Variants in IQUB observed in about 807,000 individuals in gnomAD.
IQUB encodes IQ motif and ubiquitin-like domain-containing protein.
In IQUB, 86 loss-of-function variants were observed where a neutral mutation model predicts 86.4. That is an observed-to-expected ratio of 1.00 (90% confidence interval 0.84 to 1.19). IQUB has a LOEUF of 1.19. IQUB is among the 50% of genes most tolerant of loss of function. The pLI is 0.00. For missense variants in IQUB, 946 were observed against 916.9 expected (o/e 1.03, Z -0.41); for synonymous variants, 289 against 304.5 (o/e 0.95, Z 0.53).
intron 8 of IQUB, among the ~76,000 whole-genome samples, chr7:123,471,385 G>A (rs1225507940): frequency 6.6e-6 from 1 of 152,126 alleles, no homozygotes; most frequent in Non-Finnish European, 1.5e-5. Context: ...TTAAAGGCTA[G>A]GGCTAAGTTT....
At chr7:123,493,835 T>C (rs1356319799) in intron 7 of IQUB, among the ~76,000 whole-genome samples, 1 of 147,828 alleles carries the variant, frequency 6.8e-6, no homozygotes, top group Non-Finnish European at 1.5e-5. Flanking sequence ...TTGGTGAATA[T>C]ATATACATAT....
intron 1 of IQUB, among the ~76,000 whole-genome samples, chr7:123,531,919 CA>C (rs1270914220): frequency 6.6e-6 from 1 of 152,208 alleles, no homozygotes; most frequent in East Asian, 1.9e-4. Flanking sequence ...CCTGGGACTT[CA>C]GCACAGAGGT....
intron 7 of IQUB, among the ~76,000 whole-genome samples, chr7:123,490,015 A>G (rs1247518009): frequency 6.6e-6 from 1 of 152,000 alleles, no homozygotes; most frequent in Non-Finnish European, 1.5e-5. Flanking sequence ...TAAAACAAAC[A>G]GTGAAAGATG....
rs373794424 is a variant in IQUB at position 123,502,648 on chromosome 7, T to G, written c.972A>C (p.Thr324=). 6.2e-6 allele frequency: 10 copies of G among 1,613,354 alleles called. No individual in the cohort carries two copies. The African/African-American group carries it at 1.1e-4, about 17-fold the overall frequency. Residue 324 remains threonine, a synonymous_variant, in exon 6 of 13, where the codon ACA becomes ACC. Coordinates refer to ENST00000324698, the MANE Select transcript of IQUB (RefSeq NM_178827.5). Reference sequence around the variant, plus strand: ...CTGCTGCTGAAAAATACTTTCCTGGTGTTACCAGTTTATCAGTCATATTTG... The same window carrying G: ...CTGCTGCTGAAAAATACTTTCCTGGGGTTACCAGTTTATCAGTCATATTTG... ...YVSNMTDKLV[T]PGKYFSAAEY...
intron 1 of IQUB, among the ~76,000 whole-genome samples, chr7:123,513,633 G>GA (rs932345652): frequency 2.0e-5 from 3 of 152,074 alleles, no homozygotes; most frequent in African/African-American, 7.2e-5. Flanking sequence ...AGATAGAGGA[G>GA]AAAAAATATT....
intron 12 of IQUB, among the ~76,000 whole-genome samples, chr7:123,455,233 G>C (rs1293976869): frequency 1.3e-5 from 2 of 151,916 alleles, no homozygotes; most frequent in Admixed American, 6.6e-5. Flanking sequence ...TTTGTGCTGG[G>C]AACATTCGAT....
chr7:123,525,765 G>T (rs1253989735), intron 1 of IQUB, among the ~76,000 whole-genome samples: 1 of 151,744 alleles, frequency 6.6e-6, no homozygotes, highest in Non-Finnish European at 1.5e-5. Context: ...GTTTGCTCTT[G>T]CTTTTCTAGT....
At chr7:123,502,798 T>TATAC in intron 5 of IQUB, 46 bp from the exon 6 acceptor site, 1 of 1,444,320 alleles carries the variant, frequency 6.9e-7, no homozygotes, top group Non-Finnish European at 9.4e-7. Flanking sequence ...CCTATATATA[T>TATAC]ACATAAGGGA....
chr7:123,483,446 T>C (rs1795091846), intron 7 of IQUB, among the ~76,000 whole-genome samples: 1 of 152,070 alleles, frequency 6.6e-6, no homozygotes, highest in South Asian at 2.1e-4. Flanking sequence ...AAACCAATTT[T>C]TTCTCTGAAT....
chr7:123,498,465 C>G (rs1468826460), intron 6 of IQUB, among the ~76,000 whole-genome samples: 1 of 151,940 alleles, frequency 6.6e-6, no homozygotes, highest in Non-Finnish European at 1.5e-5. Flanking sequence ...AGAAAAAAGA[C>G]TGGCAAAAAT....
At chr7:123,532,713 C>T (rs933476631) in intron 1 of IQUB, 2 of 152,166 alleles carry the variant, frequency 1.3e-5, no homozygotes, top group African/African-American at 4.8e-5. Context: ...TTGGGCGCTC[C>T]GCCCAAGGGG....
chr7:123,482,279 G>A (rs1352092131), intron 7 of IQUB, among the ~76,000 whole-genome samples: 2 of 151,756 alleles, frequency 1.3e-5, no homozygotes, highest in African/African-American at 4.8e-5. Flanking sequence ...ATCTAAGACA[G>A]AGCCAAGTAA....
At chr7:123,526,023 T>G (rs1272604964) in intron 1 of IQUB, among the ~76,000 whole-genome samples, 1 of 147,134 alleles carries the variant, frequency 6.8e-6, no homozygotes, top group Non-Finnish European at 1.5e-5. Flanking sequence ...TGAGTGAGAT[T>G]CTTAATCCTG....
chr7:123,457,680 T>TTAA, intron 11 of IQUB, 114 bp from the exon 12 acceptor site: 6 of 793,458 alleles, frequency 7.6e-6, no homozygotes, highest in Non-Finnish European at 1.2e-5. Flanking sequence ...TATTATTCAC[T>TTAA]AGGTTTCAAT....
chr7:123,453,751 A>G (rs981652262), intron 12 of IQUB, among the ~76,000 whole-genome samples: 4 of 152,190 alleles, frequency 2.6e-5, no homozygotes, highest in African/African-American at 9.6e-5. Flanking sequence ...TGATTAAATC[A>G]TTATAAATTG....
chr7:123,529,722 C>CT (rs1446366354), intron 1 of IQUB, among the ~76,000 whole-genome samples: 6 of 19,496 alleles, frequency 3.1e-4, no homozygotes, highest in East Asian at 2.0e-3. Flanking sequence ...CCTGTCTCTA[C>CT]TTAAAAAAAA....
At chr7:123,493,721 ATGTGTGTGTATGTGTG>A (rs1326309136) in intron 7 of IQUB, among the ~76,000 whole-genome samples, 217 of 128,408 alleles carry the variant, frequency 1.7e-3, no homozygotes, top group African/African-American at 5.1e-3. Context: ...CCTGAGAGAA[ATGTGTGTGTATGTGTG>A]TGTGTGTGTG....
At chr7:123,497,489 A>G (rs1795754687) in intron 6 of IQUB, among the ~76,000 whole-genome samples, 1 of 152,136 alleles carries the variant, frequency 6.6e-6, no homozygotes, top group Non-Finnish European at 1.5e-5. Context: ...TGAAGCAAAC[A>G]AATATTTATT....
chr7:123,524,288 C>T (rs1797069975), intron 1 of IQUB, among the ~76,000 whole-genome samples: 1 of 141,222 alleles, frequency 7.1e-6, no homozygotes, highest in Admixed American at 7.2e-5. Flanking sequence ...TGTAAATTAC[C>T]TTGGGCAGTA....
Sources: allele counts gnomAD v4.1 joint callset (sites outside exome capture counted in the v4.1 genomes callset), GRCh38; gene constraint gnomAD v4.1.1; transcripts MANE v1.5; gene names NCBI Gene and HGNC (gene_info 2026-07-23, HGNC 2026-07-21).